The following SRGAP2B variants were observed in gnomAD, a reference collection of about 807,000 sequenced individuals.
SRGAP2B encodes SLIT-ROBO Rho GTPase-activating protein 2B.
SRGAP2B carries 9 observed loss-of-function variants against 22.2 expected under a neutral mutation model. That is an observed-to-expected ratio of 0.41 (90% CI 0.24 to 0.71). The LOEUF (loss-of-function observed/expected upper bound fraction) is 0.71, where lower values mean the gene tolerates loss of function less well. Ranked by LOEUF, SRGAP2B falls within the 30% of genes least tolerant of loss-of-function variation. SRGAP2B has a pLI of 0.35. For missense variants in SRGAP2B, 114 were observed against 235.8 expected, an observed-to-expected ratio of 0.48 and a Z score of 3.38; for synonymous variants, 36 against 87.4, an observed-to-expected ratio of 0.41 and a Z score of 3.28.
chr1:144,979,958 T>A (rs1186521390), intron 3 of SRGAP2B, among the ~76,000 whole-genome samples: 2 of 150,992 alleles, frequency 1.3e-5, no homozygotes, highest in South Asian at 4.2e-4. Context: ...TGTATTTGTA[T>A]GCACATGTAT....
At chr1:144,945,548 G>C (rs1666434085) in intron 4 of SRGAP2B, among the ~76,000 whole-genome samples, 1 of 151,666 alleles carries the variant, frequency 6.6e-6, no homozygotes, top group African/African-American at 2.4e-5. Context: ...CTGTAATCAT[G>C]CAACAGGACT....
At position 145,081,219 on chromosome 1, in the gene SRGAP2B, A is replaced by G. The variant is rs1236561681; in HGVS notation, c.67+11616T>C. On this transcript the variant is annotated intron_variant, in intron 2 of 9. Coordinates refer to ENST00000612199, the Ensembl canonical transcript of SRGAP2B. ...TGTGCGTCATCTGTAAAATGGGGAT[A>G]ATAATAGCAGCTACCTCACAGGACT... Among the ~76,000 whole-genome samples the G allele has an allele frequency of 5.4e-5, 8 of 148,752 alleles. 2 individuals carry two copies. Among genetic ancestry groups the G allele is most frequent in the Non-Finnish European group, 1.2e-4 (8 of 67,438 alleles).
intron 2 of SRGAP2B, among the ~76,000 whole-genome samples, chr1:144,996,037 T>G (rs1323220589): frequency 4.0e-5 from 6 of 150,986 alleles, no homozygotes; most frequent in Non-Finnish European, 8.8e-5. Context: ...AGCTCTAGCA[T>G]GCAGATTTCT....
At chr1:144,909,716 G>A (rs1186625624) in intron 5 of SRGAP2B, among the ~76,000 whole-genome samples, 2 of 150,422 alleles carry the variant, frequency 1.3e-5, no homozygotes, top group African/African-American at 5.0e-5. Flanking sequence ...AGGTTCAGCT[G>A]AGGATACGGG....
At chr1:144,984,378 A>C (rs1669565465) in intron 3 of SRGAP2B, among the ~76,000 whole-genome samples, 1 of 148,744 alleles carries the variant, frequency 6.7e-6, no homozygotes, top group African/African-American at 2.5e-5. Context: ...AAAAAAAAAA[A>C]CAAAAAAGCC....
At chr1:145,012,329 T>C (rs1672115713) in intron 2 of SRGAP2B, among the ~76,000 whole-genome samples, 1 of 149,114 alleles carries the variant, frequency 6.7e-6, no homozygotes, top group African/African-American at 2.5e-5. Flanking sequence ...GTGATGGGAT[T>C]TGGAACAATT....
intron 4 of SRGAP2B, among the ~76,000 whole-genome samples, chr1:144,929,704 A>G (rs1558757342): frequency 6.6e-6 from 1 of 151,206 alleles, no homozygotes; most frequent in Non-Finnish European, 1.5e-5. Context: ...GTCTAGGATG[A>G]TAGTATCTTC....
chr1:145,083,156 G>A lies in SRGAP2B; in HGVS notation c.67+9679C>T, dbSNP rs587672620. Reference sequence around the variant, plus strand: ...GGGGAGATGCTGAGGAATCCTGCTTGGGATCCCGCACAGGGGAGCAGGGAA... The same window carrying A: ...GGGGAGATGCTGAGGAATCCTGCTTAGGATCCCGCACAGGGGAGCAGGGAA... On this transcript the variant is annotated intron_variant, in intron 2 of 9. Transcript: ENST00000612199. Among the ~76,000 whole-genome samples, 9 of 145,340 alleles carry A rather than the reference G, an allele frequency of 6.2e-5. No homozygotes were observed. The South Asian group carries it at 1.3e-3, about 21-fold the overall frequency.
At chr1:144,888,724 G>T (rs1363822624) in exon 10 of SRGAP2B, 1 of 48,820 alleles carries the variant, frequency 2.0e-5, no homozygotes, top group Non-Finnish European at 3.6e-5. Context: ...GTCAGCATGT[G>T]GCTTAACCTA....
At chr1:145,063,130 G>A (rs2102413615) in intron 2 of SRGAP2B, among the ~76,000 whole-genome samples, 1 of 139,324 alleles carries the variant, frequency 7.2e-6, no homozygotes, top group Admixed American at 7.1e-5. Flanking sequence ...CTCAATGAGA[G>A]GATGAGGAGG....
At chr1:144,991,446 C>T (rs1670218409) in intron 3 of SRGAP2B, among the ~76,000 whole-genome samples, 2 of 148,934 alleles carry the variant, frequency 1.3e-5, no homozygotes, top group African/African-American at 2.5e-5. Flanking sequence ...ACTGTAAATA[C>T]ACCAATCGGC....
chr1:144,925,725 A>G (rs1305234313), intron 4 of SRGAP2B, among the ~76,000 whole-genome samples: 2 of 109,856 alleles, frequency 1.8e-5, no homozygotes, highest in African/African-American at 7.2e-5. Context: ...AGAGAGAGAA[A>G]GAAAAGAAAG....
rs1649521055 is a variant in SRGAP2B at position 145,044,514 on chromosome 1, C to A, written c.67+48321G>T. On this transcript the variant is annotated intron_variant, in intron 2 of 9. Transcript: ENST00000612199. ...AGGTATTTATCCAGTTTTTCCTGTA[C>A]AAATGTAAATGTTTAGGGAGATTGA... Among the ~76,000 whole-genome samples, 6 of 143,756 alleles carry A rather than the reference C, an allele frequency of 4.2e-5. No individual in the cohort carries two copies. In the South Asian group the frequency reaches 1.4e-3, roughly 33 times the overall value. The allele number at this position is 143,756 out of a possible 152,430, so 94.3% of individuals were successfully genotyped here.
intron 5 of SRGAP2B, among the ~76,000 whole-genome samples, chr1:144,911,905 CACTGTG>C (rs1380037244): frequency 7.2e-6 from 1 of 139,454 alleles, no homozygotes; most frequent in Middle Eastern, 3.6e-3. Flanking sequence ...GGGCATGAGC[CACTGTG>C]ACCGGCTATT....
intron 4 of SRGAP2B, among the ~76,000 whole-genome samples, chr1:144,924,830 CT>C (rs1423479550): frequency 6.7e-6 from 1 of 148,598 alleles, no homozygotes; most frequent in Non-Finnish European, 1.5e-5. Flanking sequence ...TTTTTACTGA[CT>C]TTTTTGGTCT....
At chr1:144,975,052 T>G (rs1261244963) in intron 3 of SRGAP2B, among the ~76,000 whole-genome samples, 1 of 147,640 alleles carries the variant, frequency 6.8e-6, no homozygotes, top group Non-Finnish European at 1.5e-5. Flanking sequence ...ATGGTTGGTT[T>G]GTTCTCAGTG....
At chr1:144,930,584 A>C (rs1266699874) in intron 4 of SRGAP2B, among the ~76,000 whole-genome samples, 54 of 150,380 alleles carry the variant, frequency 3.6e-4, no homozygotes, top group Admixed American at 3.6e-3. Flanking sequence ...GGGTCTGAGA[A>C]AGATTTGGGC....
At chr1:145,019,494 GA>G (rs1480099664) in intron 2 of SRGAP2B, among the ~76,000 whole-genome samples, 4 of 75,462 alleles carry the variant, frequency 5.3e-5, no homozygotes, top group Non-Finnish European at 7.6e-5. Flanking sequence ...CAGACGAAGG[GA>G]AAGGTTGGGT....
rs587764488 is a variant in SRGAP2B, at chr1:144,953,859, A to G, written c.423+1580T>C. 1.9e-4 allele frequency among the ~76,000 whole-genome samples: 28 copies of G among 150,646 alleles called. 1 individual carries two copies. The East Asian group carries it at 5.4e-3, about 29-fold the overall frequency. ...AAGTTGTTTTCTCGGATGAACAAAGAAAACGGAGGAGGAAACTATCAGTCA... is the reference window on the plus strand; with the variant it reads ...AAGTTGTTTTCTCGGATGAACAAAGGAAACGGAGGAGGAAACTATCAGTCA... On this transcript the variant is annotated intron_variant, in intron 4 of 9. Transcript: ENST00000612199.
Sources: gnomAD v4.1 joint callset for allele counts (sites outside exome capture counted in the v4.1 genomes callset) on GRCh38, gnomAD v4.1.1 for gene constraint, MANE v1.5 for transcripts, NCBI Gene and HGNC (gene_info 2026-07-23, HGNC 2026-07-21) for gene names.